ADGRV1: variants seen among roughly 807,000 people sequenced by gnomAD.
The protein encoded by ADGRV1 is adhesion G protein-coupled receptor V1, also known as G-protein coupled receptor 98.
ADGRV1 carries 359 observed loss-of-function variants against 596.2 expected under a neutral mutation model. That is an observed-to-expected ratio of 0.60 (90% CI 0.55 to 0.66). ADGRV1 has a LOEUF of 0.66. Ranked by LOEUF, ADGRV1 falls within the 30% of genes least tolerant of loss-of-function variation. The pLI is 0.00. For synonymous variants in ADGRV1, 2,681 were observed against 2,679.2 expected, an observed-to-expected ratio of 1.00 and a Z score of -0.02; for missense variants, 7,274 against 7,575.6, an observed-to-expected ratio of 0.96 and a Z score of 1.48.
rs926409359 is a variant in ADGRV1, at chr5:90,823,318, C to G, written c.16197-107C>G. On this transcript the variant is annotated intron_variant, in intron 75 of 89. Coordinates refer to ENST00000405460, the MANE Select transcript of ADGRV1 (RefSeq NM_032119.4). ...GTGCTATACTTTGGATGAAGAGGTA[C>G]CATTTGGTATACTTTGGATGAAGAG... 7 of 1,136,782 alleles carry G rather than the reference C, an allele frequency of 6.2e-6. No homozygotes were observed. The African/African-American group carries it at 9.4e-5, about 15-fold the overall frequency. 70.4% of individuals were successfully genotyped at this position (1,136,782 alleles called of 1,614,324 possible).
At chr5:90,595,635 G>A (rs1329128451) in intron 1 of ADGRV1, among the ~76,000 whole-genome samples, 5 of 124,244 alleles carry the variant, frequency 4.0e-5, no homozygotes, top group East Asian at 2.7e-4. Flanking sequence ...CCTCCCTCCC[G>A]GACGGGGCGG....
chr5:91,032,404 C>T (rs1784552624), intron 85 of ADGRV1, among the ~76,000 whole-genome samples: 2 of 152,012 alleles, frequency 1.3e-5, no homozygotes, highest in Admixed American at 6.6e-5. Context: ...AAATGATAGG[C>T]GTTTGGATTA....
In ADGRV1 at chr5:90,683,842, AT is replaced by A; in HGVS notation, c.5922del (p.Pro1975HisfsTer27). 6.2e-7 allele frequency: 1 copy of A among 1,613,782 alleles called. No homozygotes were observed. The highest frequency in any genetic ancestry group is 8.5e-7 in the Non-Finnish European group (1 of 1,179,824). On this transcript the variant is annotated frameshift_variant, in exon 28 of 90. Coordinates refer to ENST00000405460, the MANE Select transcript of ADGRV1 (RefSeq NM_032119.4). LOFTEE classifies it high-confidence loss of function. ...ACGTTAACAGTTTTGGCTAGTGATG[AT>A]CCATATGGGATATTCATTTTTTCTG... ...NATLTVLASD[D>X]PYGIFIFSEK...
intron 77 of ADGRV1, among the ~76,000 whole-genome samples, chr5:90,835,906 C>T (rs983495918): frequency 2.0e-5 from 3 of 152,136 alleles, no homozygotes; most frequent in African/African-American, 7.2e-5. Flanking sequence ...AACTTTGGAA[C>T]ATCAGGAAGG....
At chr5:90,682,070 T>A (rs1159839567) in intron 27 of ADGRV1, among the ~76,000 whole-genome samples, 1 of 152,086 alleles carries the variant, frequency 6.6e-6, no homozygotes, top group African/African-American at 2.4e-5. Context: ...TTCTCCATGT[T>A]GGTCAGTCTG....
At position 90,763,659 on chromosome 5, in the gene ADGRV1, C is replaced by T. The variant is rs73177422; in HGVS notation, c.12285+190C>T. 0.015 allele frequency among the ~76,000 whole-genome samples: 2,240 copies of T among 152,256 alleles called. 54 individuals carry two copies. The highest frequency in any genetic ancestry group is 0.052 in the African/African-American group (2,141 of 41,564). On this transcript the variant is annotated intron_variant, in intron 59 of 89. Transcript: ENST00000405460. ...ATATAGTACCCAATAGGTAGTTTTT[C>T]AACCCACACCCCACTCCTACCCTGC...
At chr5:90,743,826 G>A (rs1388155020) in intron 50 of ADGRV1, among the ~76,000 whole-genome samples, 1 of 151,874 alleles carries the variant, frequency 6.6e-6, no homozygotes, top group African/African-American at 2.4e-5. Context: ...ATTTGTACAT[G>A]TTTTTCTATG....
In ADGRV1 at chr5:90,756,996, T is replaced by C. The variant is rs1316701637; in HGVS notation, c.11775T>C (p.Ile3925=). ...ACTTAAAGGGCGCTGGGGAAGTTAT[T>C]ACTGCCTATGAGGTGCCTCCACCCT... ...FHVTRGAGEV[I]TAYEVPPPLN... Residue 3925 remains isoleucine (I), a synonymous_variant, in exon 57 of 90, where the codon ATT becomes ATC. Transcript: ENST00000405460. 1.2e-6 allele frequency: 2 copies of C among 1,605,442 alleles called. No homozygotes were observed. The highest frequency in any genetic ancestry group is 1.7e-6 in the Non-Finnish European group (2 of 1,175,712).
Position 90,840,631 on chromosome 5 carries a change from T to C in ADGRV1, c.16665T>C (p.Ser5555=). The change falls in exon 78 of 90, where the codon TCT becomes TCC. Residue 5555 remains serine (S), a synonymous_variant. Transcript: ENST00000405460. ...IGRTIISPAI[S]GKDFVITEGT... The stretch of plus-strand genomic sequence containing the variant: ...GTACCATCATATCTCCAGCTATTTC[T>C]GGAAAGGATTTTGTGATAACTGAAG... The C allele has an allele frequency of 6.2e-7, 1 of 1,613,388 alleles. No individual in the cohort carries two copies. The highest frequency in any genetic ancestry group is 8.5e-7 in the Non-Finnish European group (1 of 1,179,366).
chr5:90,999,375 T>C (rs1032124443), intron 85 of ADGRV1, among the ~76,000 whole-genome samples: 1 of 152,012 alleles, frequency 6.6e-6, no homozygotes, highest in Non-Finnish European at 1.5e-5. Flanking sequence ...TAACTTTAAC[T>C]CAGGGTTAAA....
intron 75 of ADGRV1, among the ~76,000 whole-genome samples, chr5:90,816,021 C>T (rs1190511269): frequency 1.3e-5 from 2 of 152,222 alleles, no homozygotes; most frequent in Non-Finnish European, 2.9e-5. Flanking sequence ...ACTCTACATA[C>T]ATACCATTTT....
chr5:90,922,002 T>C (rs1312511642), intron 83 of ADGRV1, among the ~76,000 whole-genome samples: 1 of 152,150 alleles, frequency 6.6e-6, no homozygotes, highest in Non-Finnish European at 1.5e-5. Flanking sequence ...CACACTCTAC[T>C]GGTTGCAAGG....
At chr5:91,105,969 G>T (rs1016768238) in intron 87 of ADGRV1, among the ~76,000 whole-genome samples, 1 of 150,554 alleles carries the variant, frequency 6.6e-6, no homozygotes, top group Non-Finnish European at 1.5e-5. Context: ...TTAATAGCCT[G>T]TAAAATCTTT....
rs1405715002 is a variant in ADGRV1 at position 90,665,943 on chromosome 5, C to T, written c.4753-6603C>T. On this transcript the variant is annotated intron_variant, in intron 21 of 89. Coordinates refer to ENST00000405460, the MANE Select transcript of ADGRV1 (RefSeq NM_032119.4). ...GCGGTTTTGAGTGAGATTCTTAATCCTGAGTTCTAGTTTGATTGCACTGTG... is the reference window on the plus strand; with the variant it reads ...GCGGTTTTGAGTGAGATTCTTAATCTTGAGTTCTAGTTTGATTGCACTGTG... Among the ~76,000 whole-genome samples the T allele has an allele frequency of 2.1e-3, 314 of 149,260 alleles. 1 individual carries two copies. The highest frequency in any genetic ancestry group is 7.4e-3 in the African/African-American group (300 of 40,556).
chr5:91,158,902 T>C (rs1195113358), intron 89 of ADGRV1, among the ~76,000 whole-genome samples: 1 of 150,826 alleles, frequency 6.6e-6, no homozygotes, highest in Non-Finnish European at 1.5e-5. Context: ...GATGGATGGA[T>C]AGATGCATGG....
chr5:90,595,768 G>A (rs1481784897), intron 1 of ADGRV1, among the ~76,000 whole-genome samples: 1 of 142,820 alleles, frequency 7.0e-6, no homozygotes, highest in African/African-American at 2.6e-5. Flanking sequence ...TCCCGGACGG[G>A]GTGGCTGGCC....
In ADGRV1 at chr5:90,694,629, C is replaced by T. The variant is rs201583659; in HGVS notation, c.7873C>T (p.Arg2625Cys). Reference sequence around the variant, plus strand: ...CTTAGGTCAAGTGGCAGTCGAATGGCGTGTTGTTGGTGGAACAGCTACTGA... The same window carrying T: ...CTTAGGTCAAGTGGCAGTCGAATGGTGTGTTGTTGGTGGAACAGCTACTGA... ...GSLGQVAVEW[R>C]VVGGTATEGL... Residue 2625 changes from arginine (R) to cysteine (C), a missense_variant, in exon 33 of 90, where the codon CGT (arginine) becomes TGT (cysteine). Coordinates refer to ENST00000405460, the MANE Select transcript of ADGRV1 (RefSeq NM_032119.4). 155 of 1,613,296 alleles carry T rather than the reference C, an allele frequency of 9.6e-5. No homozygotes were observed. The Admixed American group carries it at 9.8e-4, about 10-fold the overall frequency.
intron 83 of ADGRV1, among the ~76,000 whole-genome samples, chr5:90,925,008 A>G (rs923267430): frequency 6.6e-6 from 1 of 150,984 alleles, no homozygotes; most frequent in Non-Finnish European, 1.5e-5. Context: ...TTTTGGTACC[A>G]GTACCATGCT....
intron 77 of ADGRV1, among the ~76,000 whole-genome samples, chr5:90,837,375 T>C (rs377260152): frequency 1.3e-5 from 2 of 149,818 alleles, no homozygotes; most frequent in East Asian, 3.9e-4. Context: ...CTTTTTTTTT[T>C]TCTTTTTTTT....
Sources: allele counts gnomAD v4.1 joint callset (sites outside exome capture counted in the v4.1 genomes callset), GRCh38; gene constraint gnomAD v4.1.1; transcripts MANE v1.5; gene names NCBI Gene and HGNC (gene_info 2026-07-23, HGNC 2026-07-21).